Variants in CPT1A observed in about 807,000 individuals in gnomAD.
CPT1A encodes the protein carnitine O-palmitoyltransferase 1, liver isoform.
Under a neutral mutation model 100.8 loss-of-function variants are expected in CPT1A, and 64 were observed. That is an observed-to-expected ratio of 0.63 (90% CI 0.52 to 0.78). The LOEUF is 0.78. Ranked by LOEUF, CPT1A falls within the 30% of genes least tolerant of loss-of-function variation. The probability of loss-of-function intolerance (pLI) is 0.00; values close to 1 mark genes in which losing one functional copy is unlikely to be tolerated. For missense variants in CPT1A, 802 were observed against 1,034.1 expected, an observed-to-expected ratio of 0.78 and a Z score of 3.08; for synonymous variants, 363 against 396.0, an observed-to-expected ratio of 0.92 and a Z score of 0.99.
chr11:68,805,778 CAG>C (rs1270833400), intron 4 of CPT1A, among the ~76,000 whole-genome samples: 1 of 152,232 alleles, frequency 6.6e-6, no homozygotes, highest in Non-Finnish European at 1.5e-5. Context: ...CTTGGCAAGA[CAG>C]GGGTGAATAA....
chr11:68,774,124 C>G (rs561207102), intron 13 of CPT1A, among the ~76,000 whole-genome samples: 1 of 152,348 alleles, frequency 6.6e-6, no homozygotes, highest in East Asian at 1.9e-4. Flanking sequence ...ACTTAATCTC[C>G]CAAGTTGGCC....
intron 1 of CPT1A, among the ~76,000 whole-genome samples, chr11:68,821,482 G>T (rs1856581664): frequency 6.6e-6 from 1 of 151,780 alleles, no homozygotes; most frequent in African/African-American, 2.4e-5. Context: ...TAGAGACCTG[G>T]TTTCCCCACG....
At chr11:68,838,378 G>A (rs1225333869) in intron 1 of CPT1A, among the ~76,000 whole-genome samples, 5 of 151,928 alleles carry the variant, frequency 3.3e-5, no homozygotes, top group Admixed American at 1.3e-4. Context: ...CATTTGGATG[G>A]GGTAAAAGTT....
At chr11:68,785,765 A>G (rs985621157) in intron 9 of CPT1A, 9 of 516,506 alleles carry the variant, frequency 1.7e-5, no homozygotes, top group Non-Finnish European at 2.7e-5. Flanking sequence ...CTTTTTATTA[A>G]TTAATGACAA....
intron 12 of CPT1A, among the ~76,000 whole-genome samples, chr11:68,777,887 G>A (rs1263264662): frequency 1.3e-5 from 2 of 152,108 alleles, no homozygotes; most frequent in African/African-American, 4.8e-5. Flanking sequence ...TTATTAAAGC[G>A]TGCCTTCTTG....
At chr11:68,816,786 T>C (rs1856408576) in intron 1 of CPT1A, among the ~76,000 whole-genome samples, 1 of 139,062 alleles carries the variant, frequency 7.2e-6, no homozygotes, top group African/African-American at 2.8e-5. Context: ...GTGTGGTGTG[T>C]GTGTGTATAC....
rs1946663770 is a variant in CPT1A, at chr11:68,754,910, T to C, written c.*2734A>G. ...GTAGTAGACTGGGGTTAATGTTTTA[T>C]TAATGATAACCTACATTCACACTGC... On this transcript the variant is annotated 3_prime_UTR_variant, in exon 19 of 19. Coordinates refer to ENST00000265641, the MANE Select transcript of CPT1A (RefSeq NM_001876.4). 3 of 774,834 alleles carry C rather than the reference T, an allele frequency of 3.9e-6. No homozygotes were observed. Among genetic ancestry groups the C allele is most frequent in the Non-Finnish European group, 2.4e-6 (1 of 413,696 alleles). 48.0% of individuals were successfully genotyped at this position (774,834 alleles called of 1,614,324 possible).
chr11:68,789,100 T>G (rs1855548654), intron 9 of CPT1A, among the ~76,000 whole-genome samples: 1 of 152,222 alleles, frequency 6.6e-6, no homozygotes, highest in Admixed American at 6.5e-5. Context: ...ATGTCAATAA[T>G]GATTGTACTG....
chr11:68,799,567 G>A (rs1023982638), intron 5 of CPT1A, among the ~76,000 whole-genome samples: 1 of 151,978 alleles, frequency 6.6e-6, no homozygotes, highest in African/African-American at 2.4e-5. Context: ...TAAACAACAT[G>A]GTGAAACCCC....
At chr11:68,754,822 A>G (rs1224126509), downstream of CPT1A, 1 of 781,102 alleles carries the variant, frequency 1.3e-6, no homozygotes, top group Admixed American at 1.7e-5. Context: ...TGTCTCAAGT[A>G]TCTGAACTTG....
intron 1 of CPT1A, 114 bp from the exon 2 acceptor site, chr11:68,815,601 G>C: frequency 9.7e-7 from 1 of 1,032,358 alleles, no homozygotes; most frequent in South Asian, 1.4e-5. Context: ...CCACTTAACA[G>C]ATTTAATACT....
At chr11:68,804,363 CA>C (rs1202050881) in intron 4 of CPT1A, among the ~76,000 whole-genome samples, 2 of 152,176 alleles carry the variant, frequency 1.3e-5, no homozygotes, top group African/African-American at 4.8e-5. Context: ...CAGGTTCTAG[CA>C]AATAAGCATA....
Position 68,799,249 on chromosome 11 carries a change from A to C in CPT1A, c.662T>G (p.Leu221Trp). 1.2e-6 allele frequency: 2 copies of C among 1,614,046 alleles called. No individual in the cohort carries two copies. The highest frequency in any genetic ancestry group is 8.5e-7 in the Non-Finnish European group (1 of 1,179,942). ...TGTAGCCCACCAGGATTTTAACTTC[A>C]AATACCACTGTAATCTTGGTCCAAG... ...VGLGPRLQWY[L>W]KLKSWWATNY... The change falls in exon 6 of 19, where the codon TTG (leucine) becomes TGG (tryptophan). Residue 221 changes from leucine to tryptophan, a missense_variant. Physicochemically the swap from Leu to Trp is moderately conservative, Grantham distance 61. Coordinates refer to ENST00000265641, the MANE Select transcript of CPT1A (RefSeq NM_001876.4).
At position 68,837,416 on chromosome 11, in the gene CPT1A, TG is replaced by T. The variant is rs563841699; in HGVS notation, c.-14+4358del. On this transcript the variant is annotated intron_variant, in intron 1 of 18. Transcript: ENST00000265641. ...TCTGTGGTGACTCAATGTGACCTGA[TG>T]ACCACAGGACCCCCTGAGTGAGCCA... Among the ~76,000 whole-genome samples the T allele has an allele frequency of 2.0e-5, 3 of 152,314 alleles. No homozygotes were observed. The East Asian group carries it at 5.8e-4, about 29-fold the overall frequency.
chr11:68,816,199 A>G (rs1379101291), intron 1 of CPT1A, among the ~76,000 whole-genome samples: 1 of 151,650 alleles, frequency 6.6e-6, no homozygotes, highest in Non-Finnish European at 1.5e-5. Context: ...CGACAGCCCT[A>G]GACTCTGAAC....
intron 4 of CPT1A, among the ~76,000 whole-genome samples, chr11:68,805,948 C>G (rs901771572): frequency 6.6e-6 from 1 of 151,966 alleles, no homozygotes; most frequent in South Asian, 2.1e-4. Flanking sequence ...GCCCCCCAGA[C>G]GGAGGCCTCG....
rs1401811144 is a variant in CPT1A, at chr11:68,807,466, C to G, written c.453+1G>C. Reference sequence around the variant, plus strand: ...CCACAGCCAGAGGGACACGCAATTACCATCCAGATCTTGGTGGCACGACTC... The same window carrying G: ...CCACAGCCAGAGGGACACGCAATTAGCATCCAGATCTTGGTGGCACGACTC... On this transcript the variant is annotated splice_donor_variant, in intron 4 of 18. Coordinates refer to ENST00000265641, the MANE Select transcript of CPT1A (RefSeq NM_001876.4). LOFTEE classifies it high-confidence loss of function. The G allele has an allele frequency of 6.2e-7, 1 of 1,613,744 alleles. No homozygotes were observed. Among genetic ancestry groups the G allele is most frequent in the East Asian group, 2.2e-5 (1 of 44,884 alleles).
chr11:68,826,663 G>A (rs1327270498), intron 1 of CPT1A, among the ~76,000 whole-genome samples: 6 of 151,696 alleles, frequency 4.0e-5, no homozygotes, highest in African/African-American at 9.7e-5. Context: ...GCGTGAACCC[G>A]GGAGCCGGAG....
chr11:68,761,588 A>G lies in CPT1A; in HGVS notation c.1975T>C (p.Cys659Arg). The G allele has an allele frequency of 6.2e-7, 1 of 1,614,134 alleles. No individual in the cohort carries two copies. Among genetic ancestry groups the G allele is most frequent in the Non-Finnish European group, 8.5e-7 (1 of 1,180,016 alleles). ...TGSGIDRHLF[C>R]LYVVSKYLAV... ...AGATATTTAGACACCACGTAAAGGC[A>G]GAAGAGGTGACGATCGATCCCAGAG... is the stretch of plus-strand genomic sequence containing the variant. Residue 659 changes from cysteine (C) to arginine (R), a missense_variant, in exon 16 of 19, where the codon TGC (cysteine) becomes CGC (arginine). This residue lies in a region of CPT1A where 627 missense variants were observed against 799.3 expected (regional missense o/e 0.78). Transcript: ENST00000265641.
Sources: allele counts gnomAD v4.1 joint callset (sites outside exome capture counted in the v4.1 genomes callset), GRCh38; gene constraint gnomAD v4.1.1; regional missense constraint gnomAD v4.1.1; transcripts MANE v1.5; gene names NCBI Gene and HGNC (gene_info 2026-07-23, HGNC 2026-07-21).